The following DMD variants were observed in gnomAD, a reference collection of about 807,000 sequenced individuals.
The protein encoded by DMD is mutant dystrophin.
A neutral mutation model predicts 330.1 loss-of-function variants in DMD; 63 were observed. That is an observed-to-expected ratio of 0.19 (90% CI 0.16 to 0.24). DMD has a LOEUF of 0.24. Ranked by LOEUF, DMD falls within the 10% of genes least tolerant of loss-of-function variation. The pLI is 1.00. For missense variants in DMD, 3,344 were observed against 2,684.1 expected (o/e 1.25, Z -5.43); for synonymous variants, 1,223 against 959.8 (o/e 1.27, Z -5.07).
intron 11 of DMD, among the ~76,000 whole-genome samples, chrX:32,637,266 G>C (rs1171584700): frequency 8.9e-6 from 1 of 111,814 alleles, no homozygotes; most frequent in Non-Finnish European, 1.9e-5. Flanking sequence ...CCACTACATA[G>C]CATCTGGCAC....
At chrX:32,016,589 G>A (rs970399822) in intron 44 of DMD, among the ~76,000 whole-genome samples, 1 of 112,178 alleles carries the variant, frequency 8.9e-6, no homozygotes, top group Middle Eastern at 4.2e-3. Context: ...GAAGTTCTTT[G>A]AAGCACCAAT....
intron 42 of DMD, among the ~76,000 whole-genome samples, chrX:32,298,221 C>A (rs1376796433): frequency 9.0e-6 from 1 of 110,841 alleles, no homozygotes; most frequent in Non-Finnish European, 1.9e-5. Flanking sequence ...TGTTAATAGA[C>A]AACTGCAATC....
chrX:32,343,580 G>C, intron 39 of DMD, among the ~76,000 whole-genome samples: 2 of 111,442 alleles, frequency 1.8e-5, no homozygotes, highest in Middle Eastern at 9.4e-3. Context: ...GCTAACTGTT[G>C]TGTAGTTTAT....
chrX:32,827,713 T>G (rs1448516163), intron 4 of DMD, among the ~76,000 whole-genome samples: 1 of 104,351 alleles, frequency 9.6e-6, no homozygotes, highest in East Asian at 3.0e-4. Context: ...CAGACTGGAG[T>G]GCAGTGGCAC....
At chrX:32,653,496 T>C (rs1202186610) in intron 9 of DMD, among the ~76,000 whole-genome samples, 2 of 111,679 alleles carry the variant, frequency 1.8e-5, no homozygotes, top group Non-Finnish European at 3.8e-5. Flanking sequence ...CTGAGGGCTT[T>C]GTTCTGTTCC....
intron 55 of DMD, among the ~76,000 whole-genome samples, chrX:31,546,537 C>G (rs1256886465): frequency 8.9e-6 from 1 of 112,377 alleles, no homozygotes; most frequent in Non-Finnish European, 1.9e-5. Flanking sequence ...CTGACCGATG[C>G]TCTCCTCTCC....
chrX:32,820,619 A>T (rs376484340), intron 5 of DMD, among the ~76,000 whole-genome samples: 2 of 111,406 alleles, frequency 1.8e-5, no homozygotes, highest in African/African-American at 3.3e-5. Context: ...CAATAAATAC[A>T]GTTCAGAGTG....
intron 42 of DMD, among the ~76,000 whole-genome samples, chrX:32,306,546 A>G (rs1164562453): frequency 1.8e-5 from 2 of 111,576 alleles, no homozygotes; most frequent in African/African-American, 6.5e-5. Flanking sequence ...AGCACATTTT[A>G]TTCATTCCAA....
intron 1 of DMD, among the ~76,000 whole-genome samples, chrX:33,242,685 G>A (rs779688050): frequency 2.7e-5 from 3 of 111,749 alleles, no homozygotes; most frequent in African/African-American, 9.8e-5. Flanking sequence ...TTTCCATAGC[G>A]GTTGTATACT....
At chrX:32,972,051 G>C (rs1349904844) in intron 2 of DMD, among the ~76,000 whole-genome samples, 1 of 111,759 alleles carries the variant, frequency 8.9e-6, no homozygotes, top group Non-Finnish European at 1.9e-5. Context: ...ACATTCAGGG[G>C]CCTGAATTAC....
chrX:32,243,544 T>C (rs2097217483), intron 43 of DMD, among the ~76,000 whole-genome samples: 1 of 112,006 alleles, frequency 8.9e-6, no homozygotes, highest in Admixed American at 9.5e-5. Flanking sequence ...TCACCAAACA[T>C]GAAGTTAGCA....
chrX:31,654,136 A>T (rs1401756343), intron 54 of DMD, among the ~76,000 whole-genome samples: 1 of 112,429 alleles, frequency 8.9e-6, no homozygotes, highest in Non-Finnish European at 1.9e-5. Context: ...AAACTGCAAC[A>T]TGGCAGTGTC....
intron 44 of DMD, among the ~76,000 whole-genome samples, chrX:32,211,468 T>C (rs142072112): frequency 0.011 from 1,220 of 112,053 alleles, 9 homozygotes; most frequent in Non-Finnish European, 0.016. Context: ...ACATTTACCA[T>C]ATAACATAGG....
intron 28 of DMD, among the ~76,000 whole-genome samples, chrX:32,440,184 A>C (rs952779567): frequency 1.8e-5 from 2 of 111,714 alleles, no homozygotes; most frequent in South Asian, 3.7e-4. Context: ...CTTTTCTAGA[A>C]CATGTAACAC....
chrX:32,602,241 G>A (rs932560186), intron 12 of DMD, among the ~76,000 whole-genome samples: 2 of 111,752 alleles, frequency 1.8e-5, no homozygotes, highest in Non-Finnish European at 3.8e-5. Flanking sequence ...CATGGAGTGA[G>A]GACAGTCCCT....
chrX:31,310,267 A>C (rs1309802400), intron 62 of DMD, among the ~76,000 whole-genome samples: 1 of 109,086 alleles, frequency 9.2e-6, no homozygotes, highest in East Asian at 2.9e-4. Flanking sequence ...ACATATAGAT[A>C]TATGAGTAAA....
chrX:31,173,650 G>A (rs759337911), intron 71 of DMD, 46 bp from the exon 72 acceptor site: 1 of 1,145,728 alleles, frequency 8.7e-7, no homozygotes, highest in Admixed American at 2.2e-5. Flanking sequence ...ATCCATTAAT[G>A]GAGAAAAAAC....
intron 1 of DMD, among the ~76,000 whole-genome samples, chrX:33,108,881 A>AAAAAG (rs1201118214): frequency 3.0e-5 from 3 of 99,689 alleles, no homozygotes; most frequent in Non-Finnish European, 6.2e-5. Flanking sequence ...AAAAAAAAAA[A>AAAAAG]AAGAAGAAGA....
intron 19 of DMD, among the ~76,000 whole-genome samples, chrX:32,493,791 A>G (rs2043228340): frequency 8.9e-6 from 1 of 112,203 alleles, no homozygotes; most frequent in Non-Finnish European, 1.9e-5. Flanking sequence ...TGTGGCATGG[A>G]TCTAAATGAT....
Sources: allele counts gnomAD v4.1 joint callset (sites outside exome capture counted in the v4.1 genomes callset), GRCh38; gene constraint gnomAD v4.1.1; transcripts MANE v1.5; gene names NCBI Gene and HGNC (gene_info 2026-07-23, HGNC 2026-07-21).